Variants in GMCL1 observed in about 807,000 individuals in gnomAD.
GMCL1 encodes germ cell-less protein-like 1.
GMCL1 carries 54 observed loss-of-function variants against 75.5 expected under a neutral mutation model. The ratio of observed to expected loss-of-function variants is 0.71; its 90% confidence interval spans 0.57 to 0.90. The LOEUF (loss-of-function observed/expected upper bound fraction) is 0.90. GMCL1 is among the 40% of genes least tolerant of loss of function. GMCL1 has a pLI of 0.00. For missense variants in GMCL1, 537 were observed against 622.7 expected (o/e 0.86, Z 1.47); for synonymous variants, 210 against 209.6 (o/e 1.00, Z -0.02).
At chr2:69,853,854 G>A (rs866990992) in intron 8 of GMCL1, among the ~76,000 whole-genome samples, 6 of 152,010 alleles carry the variant, frequency 3.9e-5, no homozygotes, top group African/African-American at 1.4e-4. Context: ...CCAGGCTAGA[G>A]TGCAGTGGCG....
intron 1 of GMCL1, among the ~76,000 whole-genome samples, chr2:69,836,878 G>C (rs1206430021): frequency 6.6e-6 from 1 of 152,068 alleles, no homozygotes; most frequent in Non-Finnish European, 1.5e-5. Flanking sequence ...TCACTCCTTA[G>C]CTCTCCTTGG....
chr2:69,855,022 A>G, intron 9 of GMCL1, 62 bp downstream of exon 9: 1 of 1,241,648 alleles, frequency 8.1e-7, no homozygotes. Flanking sequence ...AATATAGATC[A>G]TAGAAAAGAA....
At position 69,852,563 on chromosome 2, in the gene GMCL1, A is replaced by T. The variant is rs1353871940; in HGVS notation, c.935-2260A>T. Among the ~76,000 whole-genome samples the T allele has an allele frequency of 2.6e-5, 4 of 150,990 alleles. 1 individual carries two copies. The highest frequency in any genetic ancestry group is 5.9e-5 in the Non-Finnish European group (4 of 67,834). ...GTCTGTCTTTTTTTTTTTGAGACAG[A>T]GTCTTGCTCTGTCACCCAGGCTGGA... On this transcript the variant is annotated intron_variant, in intron 8 of 13. Transcript: ENST00000282570.
intron 2 of GMCL1, 29 bp from the exon 3 acceptor site, chr2:69,839,428 A>G (rs1558537730): frequency 1.5e-6 from 2 of 1,352,452 alleles, no homozygotes; most frequent in Non-Finnish European, 2.1e-6. Context: ...AAAGTACTTG[A>G]TAATCGTTGA....
At chr2:69,843,800 T>G (rs1445767569) in intron 5 of GMCL1, among the ~76,000 whole-genome samples, 2 of 152,198 alleles carry the variant, frequency 1.3e-5, no homozygotes, top group Non-Finnish European at 2.9e-5. Context: ...GAAGTAGGCC[T>G]GATAGACTGA....
At chr2:69,846,807 C>T (rs1292415786) in intron 6 of GMCL1, among the ~76,000 whole-genome samples, 2 of 151,646 alleles carry the variant, frequency 1.3e-5, no homozygotes, top group South Asian at 2.1e-4. Flanking sequence ...ATTACTTTGA[C>T]GATATAGCTG....
chr2:69,844,401 C>A, intron 6 of GMCL1: 1 of 356,840 alleles, frequency 2.8e-6, no homozygotes, highest in Non-Finnish European at 5.1e-6. Flanking sequence ...GATATTATGT[C>A]TACTGTTTTA....
chr2:69,847,723 A>T (rs1400834629), intron 7 of GMCL1, 96 bp downstream of exon 7: 1 of 617,720 alleles, frequency 1.6e-6, no homozygotes, highest in African/African-American at 1.9e-5. Context: ...TAATAAAGGG[A>T]TGGTTATAAA....
intron 8 of GMCL1, among the ~76,000 whole-genome samples, chr2:69,853,431 C>T (rs1307461272): frequency 2.0e-5 from 3 of 152,136 alleles, no homozygotes; most frequent in Non-Finnish European, 4.4e-5. Flanking sequence ...TTTTCATTAA[C>T]TTGGCTGTCT....
At chr2:69,845,810 C>T (rs1390055027) in intron 6 of GMCL1, among the ~76,000 whole-genome samples, 1 of 152,186 alleles carries the variant, frequency 6.6e-6, no homozygotes, top group African/African-American at 2.4e-5. Context: ...GTTGGCATTA[C>T]AGTCATTTTC....
At position 69,865,015 on chromosome 2, in the gene GMCL1, T is replaced by A. The variant is rs142388845; in HGVS notation, c.1218+40T>A. On this transcript the variant is annotated intron_variant, in intron 11 of 13. Transcript: ENST00000282570. ...TGACTGTTAATATTCTTATACAAAT[T>A]GTATTATCAGCACATCCTGCACCTG... 1.4e-4 allele frequency: 207 copies of A among 1,448,900 alleles called. 1 individual carries two copies. In the East Asian group the frequency reaches 4.4e-3, roughly 31 times the overall value. 89.8% of individuals were successfully genotyped at this position (1,448,900 alleles called of 1,614,324 possible).
intron 8 of GMCL1, among the ~76,000 whole-genome samples, chr2:69,854,528 C>T (rs1675414887): frequency 6.6e-6 from 1 of 152,078 alleles, no homozygotes; most frequent in Non-Finnish European, 1.5e-5. Context: ...TCCTAAGTAC[C>T]TTTCTCAAGC....
At chr2:69,874,715 A>G (rs913552402) in intron 13 of GMCL1, among the ~76,000 whole-genome samples, 1 of 150,924 alleles carries the variant, frequency 6.6e-6, no homozygotes, top group Non-Finnish European at 1.5e-5. Context: ...TATATTAAAA[A>G]TACATTTGTG....
At chr2:69,837,183 C>A (rs1458369793) in intron 1 of GMCL1, among the ~76,000 whole-genome samples, 1 of 152,100 alleles carries the variant, frequency 6.6e-6, no homozygotes, top group African/African-American at 2.4e-5. Context: ...GTGCTGGTTT[C>A]TAAATAAGGA....
chr2:69,865,375 C>T (rs963136042), intron 11 of GMCL1, among the ~76,000 whole-genome samples: 2 of 152,238 alleles, frequency 1.3e-5, no homozygotes, highest in East Asian at 1.9e-4. Flanking sequence ...TGGCCAGGTG[C>T]GGTGGCTCAC....
intron 11 of GMCL1, among the ~76,000 whole-genome samples, chr2:69,866,952 CT>C (rs141240208): frequency 1.1e-4 from 16 of 146,786 alleles, no homozygotes; most frequent in South Asian, 8.7e-4. Context: ...TCTTTTCTTT[CT>C]TTTTTTTTTG....
At chr2:69,867,606 C>T (rs563977842) in intron 11 of GMCL1, among the ~76,000 whole-genome samples, 27 of 152,252 alleles carry the variant, frequency 1.8e-4, no homozygotes, top group South Asian at 4.1e-4. Context: ...TATGTTCCAT[C>T]GTAAAATTGG....
chr2:69,874,756 T>C (rs969220083), intron 13 of GMCL1, among the ~76,000 whole-genome samples: 4 of 151,776 alleles, frequency 2.6e-5, no homozygotes, highest in African/African-American at 9.7e-5. Flanking sequence ...TTTTTTTTTT[T>C]TCCGAGACAG....
chr2:69,846,521 G>A (rs1248999697), intron 6 of GMCL1, among the ~76,000 whole-genome samples: 1 of 152,120 alleles, frequency 6.6e-6, no homozygotes, highest in Non-Finnish European at 1.5e-5. Context: ...TTTGTAGGAG[G>A]TTCTGAAACC....
Sources: allele counts gnomAD v4.1 joint callset (sites outside exome capture counted in the v4.1 genomes callset), GRCh38; gene constraint gnomAD v4.1.1; transcripts MANE v1.5; gene names NCBI Gene and HGNC (gene_info 2026-07-23, HGNC 2026-07-21).